Variants in NDC80 observed in about 807,000 individuals in gnomAD.
The protein encoded by NDC80 is kinetochore protein NDC80 homolog.
Under a neutral mutation model 89.3 loss-of-function variants are expected in NDC80, and 69 were observed. The ratio of observed to expected loss-of-function variants is 0.77; its 90% confidence interval spans 0.64 to 0.94. NDC80 has a LOEUF of 0.94. Among genes scored for constraint, NDC80 ranks in the 40% least tolerant of loss-of-function variants. The pLI, the probability that NDC80 is intolerant of heterozygous loss-of-function variation, is 0.00. For missense variants in NDC80, 593 were observed against 739.6 expected (o/e 0.80, Z 2.30); for synonymous variants, 243 against 255.6 (o/e 0.95, Z 0.47).
At chr18:2,580,760 T>TTTTTTTTTTTTTTTTAA in intron 6 of NDC80, among the ~76,000 whole-genome samples, 1 of 128,498 alleles carries the variant, frequency 7.8e-6, no homozygotes. Context: ...TTTTTTTTTT[T>TTTTTTTTTTTTTTTTAA]GAGACGAGTC....
intron 16 of NDC80, chr18:2,614,487 G>GA (rs1314728630): frequency 6.5e-4 from 1 of 1,530 alleles, no homozygotes; most frequent in African/African-American, 3.5e-3. Flanking sequence ...AAGAAAGGAA[G>GA]GAAGGAAGGA....
chr18:2,595,756 A>T lies in NDC80; in HGVS notation c.1221+135A>T. On this transcript the variant is annotated intron_variant, in intron 11 of 16. Coordinates refer to ENST00000261597, the MANE Select transcript of NDC80 (RefSeq NM_006101.3). ...ACATTAGCATTGACATTTTAATGAA[A>T]CACTCATCCCTTTATGTCAATTCAG... 4.9e-6 allele frequency: 3 copies of T among 608,800 alleles called. No homozygotes were observed. In the Admixed American group the frequency reaches 9.3e-5, roughly 19 times the overall value. 37.7% of individuals were successfully genotyped at this position (608,800 alleles called of 1,614,324 possible).
chr18:2,584,683 G>A (rs764269315), intron 6 of NDC80, among the ~76,000 whole-genome samples: 3 of 152,048 alleles, frequency 2.0e-5, no homozygotes, highest in Non-Finnish European at 4.4e-5. Context: ...ATTAACATTT[G>A]AGCACCAGAA....
chr18:2,578,445 CAG>C (rs2072559644), intron 5 of NDC80, among the ~76,000 whole-genome samples: 1 of 151,956 alleles, frequency 6.6e-6, no homozygotes, highest in Non-Finnish European at 1.5e-5. Context: ...TAGATTATTA[CAG>C]AGCAACAGAA....
Position 2,606,517 on chromosome 18 carries a change from T to G in NDC80, c.1557+10T>G, listed in dbSNP as rs1456554843. On this transcript the variant is annotated intron_variant, in intron 14 of 16. Coordinates refer to ENST00000261597, the MANE Select transcript of NDC80 (RefSeq NM_006101.3). The stretch of plus-strand genomic sequence containing the variant: ...CCAACAAAAAATTAAGGTAAGAACT[T>G]TGCCACAGTTTGCGTAGGTTATCAA... 1.3e-6 allele frequency: 2 copies of G among 1,559,500 alleles called. No individual in the cohort carries two copies. The highest frequency in any genetic ancestry group is 1.7e-6 in the Non-Finnish European group (2 of 1,142,980).
intron 6 of NDC80, among the ~76,000 whole-genome samples, chr18:2,579,974 T>C (rs1208466311): frequency 6.6e-6 from 1 of 152,190 alleles, no homozygotes; most frequent in Non-Finnish European, 1.5e-5. Context: ...TGTGTGTATG[T>C]ATATATATTT....
chr18:2,580,055 ATTTCACCT>A (rs3064139), intron 6 of NDC80, among the ~76,000 whole-genome samples: 86,846 of 151,158 alleles, frequency 0.57, 27,083 homozygotes, highest in East Asian at 0.73. Flanking sequence ...GGCAAGTTTT[ATTTCACCT>A]TTGCTTTTTG....
intron 13 of NDC80, among the ~76,000 whole-genome samples, chr18:2,603,174 T>A (rs750534665): frequency 1.3e-5 from 2 of 151,750 alleles, no homozygotes; most frequent in Admixed American, 6.6e-5. Context: ...TGATGGTCAT[T>A]AGAGCATATG....
At chr18:2,606,374 T>C (rs2143664635) in intron 13 of NDC80, 41 bp from the exon 14 acceptor site, 2 of 1,298,730 alleles carry the variant, frequency 1.5e-6, no homozygotes, top group East Asian at 4.8e-5. Flanking sequence ...ATATCTTTGA[T>C]GTATAGTTAT....
intron 11 of NDC80, among the ~76,000 whole-genome samples, chr18:2,598,494 G>A (rs572639159): frequency 1.3e-5 from 2 of 152,154 alleles, no homozygotes; most frequent in Non-Finnish European, 2.9e-5. Context: ...AAGCCTTTCT[G>A]ATGACCTTAT....
chr18:2,599,885 T>A (rs772060040), intron 12 of NDC80, among the ~76,000 whole-genome samples: 3 of 152,182 alleles, frequency 2.0e-5, no homozygotes, highest in Non-Finnish European at 4.4e-5. Context: ...AACAAGTATT[T>A]ATTGAGTGCA....
intron 3 of NDC80, chr18:2,577,435 TTG>T: frequency 8.8e-6 from 2 of 226,108 alleles, no homozygotes; most frequent in South Asian, 1.3e-4. Flanking sequence ...CAGGCTGGTC[TTG>T]AACTCCTGAC....
At chr18:2,607,965 G>GTATATATATATATATATATATATA (rs3033372) in intron 14 of NDC80, among the ~76,000 whole-genome samples, 1 of 68,142 alleles carries the variant, frequency 1.5e-5, no homozygotes, top group African/African-American at 5.6e-5. Context: ...TATATACATA[G>GTATATATATATATATATATATATA]TATATATATA....
At chr18:2,592,050 G>A (rs1598239654) in intron 10 of NDC80, among the ~76,000 whole-genome samples, 1 of 151,960 alleles carries the variant, frequency 6.6e-6, no homozygotes, top group Non-Finnish European at 1.5e-5. Context: ...CACAGCACCC[G>A]GCCTTTAATC....
At chr18:2,595,707 G>A (rs1031039825) in intron 11 of NDC80, 86 bp downstream of exon 11, 8 of 1,125,948 alleles carry the variant, frequency 7.1e-6, no homozygotes, top group African/African-American at 1.6e-5. Context: ...TCAGTGGGTA[G>A]AGTAAATTGG....
intron 16 of NDC80, among the ~76,000 whole-genome samples, chr18:2,611,172 C>T (rs997634860): frequency 3.6e-4 from 54 of 151,900 alleles, no homozygotes; most frequent in African/African-American, 1.2e-3. Flanking sequence ...TCTCAGCCTC[C>T]CAAGTACCTG....
At chr18:2,589,686 A>AGTCCCC (rs1568001600) in intron 9 of NDC80, among the ~76,000 whole-genome samples, 1 of 149,976 alleles carries the variant, frequency 6.7e-6, no homozygotes, top group African/African-American at 2.5e-5. Flanking sequence ...TATATAGTAT[A>AGTCCCC]TTGTATCCTG....
In NDC80 at chr18:2,573,103, T is replaced by C. The variant is rs757177696; in HGVS notation, c.101+17T>C. The C allele has an allele frequency of 6.3e-7, 1 of 1,585,548 alleles. No homozygotes were observed. Among genetic ancestry groups the C allele is most frequent in the South Asian group, 1.1e-5 (1 of 89,036 alleles). On this transcript the variant is annotated intron_variant, in intron 2 of 16. Transcript: ENST00000261597. ...CCCTCAAACGTGAGTATTTCCCTTG[T>C]GGTTCTAATTTGCATGCTTTATCAT...
chr18:2,614,657 T>TAAATTAAG (rs2072774789), intron 16 of NDC80, among the ~76,000 whole-genome samples: 1 of 65,612 alleles, frequency 1.5e-5, no homozygotes, highest in Non-Finnish European at 3.1e-5. Context: ...AAGAAAGAAA[T>TAAATTAAG]AAATTTGGCA....
Sources: gnomAD v4.1 joint callset for allele counts (sites outside exome capture counted in the v4.1 genomes callset) on GRCh38, gnomAD v4.1.1 for gene constraint, MANE v1.5 for transcripts, NCBI Gene and HGNC (gene_info 2026-07-23, HGNC 2026-07-21) for gene names.